ZNF469: variants seen among roughly 807,000 people sequenced by gnomAD.
ZNF469 encodes the protein zinc finger protein 469.
In ZNF469, 1 loss-of-function variant was observed where a neutral mutation model predicts 1.0. The ratio of observed to expected loss-of-function variants is 1.00; its 90% CI spans 0.35 to 4.73. The LOEUF (loss-of-function observed/expected upper bound fraction) is 4.73. ZNF469 is among the 30% of genes most tolerant of loss of function. ZNF469 has a pLI of 0.16. For synonymous variants in ZNF469, 2,703 were observed against 2,363.4 expected, an observed-to-expected ratio of 1.14 and a Z score of -4.17; for missense variants, 6,100 against 5,356.3, an observed-to-expected ratio of 1.14 and a Z score of -4.33.
chr16:88,229,712 CTGA>C, the ZNF469 span, among the ~76,000 whole-genome samples: 2 of 152,052 alleles, frequency 1.3e-5, no homozygotes, highest in African/African-American at 2.4e-5. Context: ...CACGTGTGTG[CTGA>C]TGTCACGCGT....
the ZNF469 span, among the ~76,000 whole-genome samples, chr16:88,306,228 C>T: frequency 2.1e-4 from 32 of 152,336 alleles, no homozygotes; most frequent in African/African-American, 7.7e-4. Context: ...GACTGTGCTG[C>T]CAGCACCCTC....
the ZNF469 span, among the ~76,000 whole-genome samples, chr16:88,199,514 C>T: frequency 6.6e-6 from 1 of 152,200 alleles, no homozygotes; most frequent in South Asian, 2.1e-4. Context: ...ACCTCCTGTG[C>T]CAACCATTGT....
chr16:88,369,226 C>G, the ZNF469 span, among the ~76,000 whole-genome samples: 2 of 152,198 alleles, frequency 1.3e-5, no homozygotes, highest in Non-Finnish European at 2.9e-5. Context: ...ATTCCCCCAC[C>G]CCACGCTGGG....
chr16:88,103,271 C>T, the ZNF469 span, among the ~76,000 whole-genome samples: 1 of 152,220 alleles, frequency 6.6e-6, no homozygotes, highest in Non-Finnish European at 1.5e-5. Flanking sequence ...GGCCGCCCTT[C>T]GGCTCTGGTC....
At chr16:88,305,606 G>A in the ZNF469 span, among the ~76,000 whole-genome samples, 1 of 141,298 alleles carries the variant, frequency 7.1e-6, no homozygotes, top group African/African-American at 2.7e-5. Flanking sequence ...CCTCACACAT[G>A]CACACACACC....
rs1313839093 is a variant in ZNF469 at position 88,428,892 on chromosome 16, C to G, written c.1422C>G (p.Leu474=). The G allele has an allele frequency of 6.5e-7, 1 of 1,547,626 alleles. No individual in the cohort carries two copies. The part of the protein sequence containing the change: ...FNGQPSPGQR[L]CLPQSAPLPW... Reference sequence around the variant, plus strand: ...GCCAGCCCAGCCCAGGCCAGCGGCTCTGCCTCCCCCAGAGTGCCCCCCTGC... The same window carrying G: ...GCCAGCCCAGCCCAGGCCAGCGGCTGTGCCTCCCCCAGAGTGCCCCCCTGC... The change falls in exon 3 of 3, where the codon CTC becomes CTG. Residue 474 remains leucine (L), a synonymous_variant. Transcript: ENST00000565624.
chr16:88,170,312 G>A, the ZNF469 span, among the ~76,000 whole-genome samples: 2 of 152,262 alleles, frequency 1.3e-5, no homozygotes, highest in South Asian at 4.1e-4. This position sits in a 1 kb window ranked among gnomAD's most constrained non-coding sequence, Gnocchi z 4.2. Flanking sequence ...CTTAGGACCT[G>A]CTCTTCTCAA....
chr16:88,185,659 GCA>G, the ZNF469 span, among the ~76,000 whole-genome samples: 13 of 138,174 alleles, frequency 9.4e-5, no homozygotes, highest in Non-Finnish European at 1.5e-4. Context: ...TATAGTATAT[GCA>G]CACACTCATG....
At chr16:88,224,699 C>G in the ZNF469 span, among the ~76,000 whole-genome samples, 506 of 152,246 alleles carry the variant, frequency 3.3e-3, 3 homozygotes, top group African/African-American at 0.012. Context: ...CCGTGTGTCT[C>G]TGTGTGTGTG....
At chr16:88,184,651 G>A in the ZNF469 span, among the ~76,000 whole-genome samples, 1,463 of 152,090 alleles carry the variant, frequency 9.6e-3, 23 homozygotes, top group African/African-American at 0.033. Context: ...CGCTGTCGCC[G>A]CAAAGCAGAA....
chr16:88,303,420 A>T, the ZNF469 span, among the ~76,000 whole-genome samples: 1 of 152,032 alleles, frequency 6.6e-6, no homozygotes, highest in East Asian at 1.9e-4. Context: ...ATCCCTGCCC[A>T]CTTCCTTGTG....
the ZNF469 span, among the ~76,000 whole-genome samples, chr16:88,285,811 C>A: frequency 5.3e-5 from 8 of 152,236 alleles, no homozygotes; most frequent in African/African-American, 1.9e-4. Context: ...TCCCAGGCCA[C>A]CCTCGTCACA....
the ZNF469 span, among the ~76,000 whole-genome samples, chr16:88,344,882 G>A: frequency 6.6e-6 from 1 of 152,204 alleles, no homozygotes; most frequent in African/African-American, 2.4e-5. Flanking sequence ...CCGTCAGGTC[G>A]CCCTGCCTCC....
At chr16:88,358,536 T>C in the ZNF469 span, among the ~76,000 whole-genome samples, 1 of 151,892 alleles carries the variant, frequency 6.6e-6, no homozygotes, top group African/African-American at 2.4e-5. Flanking sequence ...AGCCTGCCAC[T>C]CCCACCCAGG....
At chr16:88,275,440 G>A in the ZNF469 span, among the ~76,000 whole-genome samples, 1 of 152,206 alleles carries the variant, frequency 6.6e-6, no homozygotes, top group African/African-American at 2.4e-5. Context: ...CGGGTGCTGA[G>A]GAAGGCACCA....
chr16:88,184,648 G>A, the ZNF469 span, among the ~76,000 whole-genome samples: 540 of 152,046 alleles, frequency 3.6e-3, 1 homozygote, highest in Middle Eastern at 0.061. Flanking sequence ...CACCGCTGTC[G>A]CCGCAAAGCA....
chr16:88,163,617 G>A, the ZNF469 span, among the ~76,000 whole-genome samples: 1 of 8,698 alleles, frequency 1.1e-4, no homozygotes, highest in African/African-American at 1.7e-4. Flanking sequence ...TTGGTAGATG[G>A]ATGGATGGAT....
chr16:88,318,699 G>A, the ZNF469 span, among the ~76,000 whole-genome samples: 1 of 117,754 alleles, frequency 8.5e-6, no homozygotes, highest in African/African-American at 3.0e-5. Context: ...AGCCACGGCT[G>A]GCTGCTCTGC....
At chr16:88,190,141 C>G in the ZNF469 span, among the ~76,000 whole-genome samples, 1 of 152,130 alleles carries the variant, frequency 6.6e-6, no homozygotes, top group Admixed American at 6.5e-5. Context: ...TCAAGCCACA[C>G]AAACAGCTAA....
Sources: allele counts gnomAD v4.1 joint callset (sites outside exome capture counted in the v4.1 genomes callset), GRCh38; gene constraint gnomAD v4.1.1; non-coding constraint Gnocchi (gnomAD v3.1); transcripts MANE v1.5; gene names NCBI Gene and HGNC (gene_info 2026-07-23, HGNC 2026-07-21).